The following TCERG1L variants were observed in gnomAD, a reference collection of about 807,000 sequenced individuals.
TCERG1L encodes the protein transcription elongation regulator 1-like protein.
Under a neutral mutation model 56.3 loss-of-function variants are expected in TCERG1L, and 37 were observed. The observed-to-expected ratio is 0.66, with a 90% CI of 0.51 to 0.87. The LOEUF (loss-of-function observed/expected upper bound fraction) is 0.87. Ranked by LOEUF, TCERG1L falls within the 40% of genes least tolerant of loss-of-function variation. TCERG1L has a pLI of 0.00. For missense variants in TCERG1L, 799 were observed against 774.2 expected (o/e 1.03, Z -0.38); for synonymous variants, 324 against 326.3 (o/e 0.99, Z 0.08).
chr10:131,141,621 C>T (rs1845739758), intron 7 of TCERG1L, among the ~76,000 whole-genome samples: 2 of 151,960 alleles, frequency 1.3e-5, no homozygotes, highest in African/African-American at 4.8e-5. Context: ...TCCCTCCCTT[C>T]TCTCCTTTCC....
At chr10:131,170,908 G>A (rs888370074) in intron 4 of TCERG1L, among the ~76,000 whole-genome samples, 3 of 152,194 alleles carry the variant, frequency 2.0e-5, no homozygotes, top group African/African-American at 7.2e-5. Context: ...AGCACTTTGG[G>A]AGGCCGAGGT....
chr10:131,225,936 C>T (rs141427189), intron 4 of TCERG1L, among the ~76,000 whole-genome samples: 60 of 152,280 alleles, frequency 3.9e-4, no homozygotes, highest in African/African-American at 1.3e-3. Context: ...CAATTTCCTT[C>T]AAGTATTTAC....
intron 3 of TCERG1L, among the ~76,000 whole-genome samples, chr10:131,281,691 G>C (rs575639726): frequency 1.3e-5 from 2 of 151,074 alleles, no homozygotes; most frequent in Non-Finnish European, 3.0e-5. Flanking sequence ...CCGACGCTCC[G>C]TCCTAAAGTC....
intron 4 of TCERG1L, among the ~76,000 whole-genome samples, chr10:131,195,945 G>A (rs917859015): frequency 4.6e-5 from 7 of 152,324 alleles, no homozygotes; most frequent in African/African-American, 1.7e-4. Flanking sequence ...CAGGATGCGG[G>A]AAGCTGGTCC....
intron 7 of TCERG1L, among the ~76,000 whole-genome samples, chr10:131,146,175 C>T (rs1321208398): frequency 1.3e-5 from 2 of 152,284 alleles, no homozygotes; most frequent in Admixed American, 6.5e-5. Flanking sequence ...TCTGAAGTGG[C>T]GTTCATAAGA....
At chr10:131,294,093 A>G (rs1047885016) in intron 3 of TCERG1L, among the ~76,000 whole-genome samples, 1 of 152,104 alleles carries the variant, frequency 6.6e-6, no homozygotes, top group African/African-American at 2.4e-5. Context: ...ACAATAGTAA[A>G]TCATAGTGTA....
At chr10:131,300,239 T>C (rs1446561964) in intron 3 of TCERG1L, among the ~76,000 whole-genome samples, 1 of 152,192 alleles carries the variant, frequency 6.6e-6, no homozygotes, top group Non-Finnish European at 1.5e-5. Context: ...TATTTATTAG[T>C]CTTATGGTTT....
chr10:131,185,010 A>C (rs1845220786), intron 4 of TCERG1L, among the ~76,000 whole-genome samples: 1 of 152,128 alleles, frequency 6.6e-6, no homozygotes, highest in Admixed American at 6.6e-5. Flanking sequence ...TGGGAGGATC[A>C]CCTGAGCCTG....
At chr10:131,303,492 A>C (rs1846790097) in intron 3 of TCERG1L, among the ~76,000 whole-genome samples, 2 of 151,988 alleles carry the variant, frequency 1.3e-5, no homozygotes, top group Admixed American at 1.3e-4. Flanking sequence ...TTTCTTGCAG[A>C]TTTGTTTAAG....
chr10:131,123,932 A>G (rs1186632155), intron 8 of TCERG1L, among the ~76,000 whole-genome samples: 1 of 152,116 alleles, frequency 6.6e-6, no homozygotes, highest in African/African-American at 2.4e-5. Flanking sequence ...TTTGAACATC[A>G]TGTGTTGTTC....
rs915244498 is a variant in TCERG1L at position 131,260,136 on chromosome 10, C to T, written c.856+123G>A. 1.6e-6 allele frequency: 2 copies of T among 1,234,710 alleles called. No individual in the cohort carries two copies. Among genetic ancestry groups the T allele is most frequent in the Non-Finnish European group, 1.0e-6 (1 of 989,574 alleles). The allele number at this position is 1,234,710 out of a possible 1,614,324, so 76.5% of individuals were successfully genotyped here. ...CCAAACGGCCCCAGCCGAATGTTTC[C>T]CTCAACCGGAGCCGGGCTTCAGGTC... On this transcript the variant is annotated intron_variant, in intron 4 of 11. Coordinates refer to ENST00000368642, the MANE Select transcript of TCERG1L (RefSeq NM_174937.4). The surrounding 1 kb of genome is among the most constrained non-coding windows in gnomAD (Gnocchi z 5.8).
intron 5 of TCERG1L, among the ~76,000 whole-genome samples, chr10:131,165,425 C>A (rs1846020860): frequency 1.3e-5 from 2 of 152,134 alleles, no homozygotes; most frequent in African/African-American, 2.4e-5. Flanking sequence ...TATATTATAA[C>A]ATTATCTTTA....
chr10:131,164,504 A>T (rs1846011878), intron 5 of TCERG1L, among the ~76,000 whole-genome samples: 2 of 152,256 alleles, frequency 1.3e-5, no homozygotes, highest in African/African-American at 2.4e-5. Context: ...GAAGGCTACA[A>T]GGAAGAAATA....
chr10:131,205,099 T>C (rs1349772213), intron 4 of TCERG1L, among the ~76,000 whole-genome samples: 1 of 152,098 alleles, frequency 6.6e-6, no homozygotes, highest in Non-Finnish European at 1.5e-5. Context: ...TGGCAGCCTC[T>C]CCCAAAATCC....
intron 3 of TCERG1L, among the ~76,000 whole-genome samples, chr10:131,307,518 G>A (rs890174783): frequency 1.3e-5 from 2 of 152,138 alleles, no homozygotes; most frequent in Admixed American, 6.5e-5. Context: ...GGTGTTGCAC[G>A]ACAATTTTGG....
intron 1 of TCERG1L, among the ~76,000 whole-genome samples, chr10:131,310,885 A>C (rs7910957): frequency 0.03 from 4,618 of 152,346 alleles, 238 homozygotes; most frequent in African/African-American, 0.11. Context: ...ATCGATTTCC[A>C]GCTTGCTTTC....
chr10:131,221,584 C>G (rs1845732349), intron 4 of TCERG1L, among the ~76,000 whole-genome samples: 1 of 152,170 alleles, frequency 6.6e-6, no homozygotes, highest in South Asian at 2.1e-4. Flanking sequence ...AGATAACACG[C>G]TTTTTAAAGG....
At chr10:131,097,636 C>T (rs1429514313) in intron 11 of TCERG1L, among the ~76,000 whole-genome samples, 2 of 152,214 alleles carry the variant, frequency 1.3e-5, no homozygotes, top group Admixed American at 6.5e-5. Flanking sequence ...CGTGAGCCAC[C>T]GCGCCCGGCC....
chr10:131,195,805 T>A (rs1845355369), intron 4 of TCERG1L, among the ~76,000 whole-genome samples: 1 of 152,220 alleles, frequency 6.6e-6, no homozygotes. Flanking sequence ...CCGCAAGGCC[T>A]TCTGGGCACT....
Sources: gnomAD v4.1 joint callset for allele counts (sites outside exome capture counted in the v4.1 genomes callset) on GRCh38, gnomAD v4.1.1 for gene constraint, Gnocchi (gnomAD v3.1) non-coding constraint, MANE v1.5 for transcripts, NCBI Gene and HGNC (gene_info 2026-07-23, HGNC 2026-07-21) for gene names.